GNA14: variants seen among roughly 807,000 people sequenced by gnomAD.
GNA14 encodes the protein G protein subunit alpha 14.
GNA14 carries 50 observed loss-of-function variants against 42.0 expected under a neutral mutation model. The observed-to-expected ratio is 1.19, with a 90% CI of 0.95 to 1.51. The LOEUF is 1.51. Among genes scored for constraint, GNA14 ranks in the 40% most tolerant of loss-of-function variants. The probability of loss-of-function intolerance (pLI) is 0.00; values close to 1 mark genes in which losing one functional copy is unlikely to be tolerated. For synonymous variants in GNA14, 173 were observed against 163.1 expected (o/e 1.06, Z -0.46); for missense variants, 473 against 446.2 (o/e 1.06, Z -0.54).
intron 3 of GNA14, among the ~76,000 whole-genome samples, chr9:77,432,158 A>G (rs1386626482): frequency 6.6e-6 from 1 of 151,498 alleles, no homozygotes; most frequent in Non-Finnish European, 1.5e-5. Flanking sequence ...TTTAGGTAAA[A>G]TAACTGTAAC....
chr9:77,623,531 T>G (rs999035156), intron 1 of GNA14, among the ~76,000 whole-genome samples: 4 of 152,184 alleles, frequency 2.6e-5, no homozygotes, highest in Admixed American at 2.0e-4. Flanking sequence ...GTGAGATCAA[T>G]GCAGAAGGCA....
At chr9:77,610,543 A>G (rs1157491556) in intron 1 of GNA14, among the ~76,000 whole-genome samples, 2 of 152,138 alleles carry the variant, frequency 1.3e-5, no homozygotes, top group African/African-American at 2.4e-5. Context: ...TTTACCTCCT[A>G]AAGGCCCCAC....
At chr9:77,558,693 T>C (rs1391098788) in intron 1 of GNA14, among the ~76,000 whole-genome samples, 1 of 152,146 alleles carries the variant, frequency 6.6e-6, no homozygotes, top group Non-Finnish European at 1.5e-5. Flanking sequence ...TGTGTCACTG[T>C]GTGCCATTCT....
chr9:77,589,362 AT>A (rs1227626069), intron 1 of GNA14, among the ~76,000 whole-genome samples: 2 of 152,150 alleles, frequency 1.3e-5, no homozygotes, highest in African/African-American at 2.4e-5. Context: ...TAGAAATTTT[AT>A]TCATGCAAAA....
intron 1 of GNA14, among the ~76,000 whole-genome samples, chr9:77,559,236 C>A (rs1822841833): frequency 6.6e-6 from 1 of 152,170 alleles, no homozygotes; most frequent in Non-Finnish European, 1.5e-5. Flanking sequence ...AGAAGGAGAC[C>A]AACTTCCCAG....
At chr9:77,626,913 G>A (rs1437682670) in intron 1 of GNA14, among the ~76,000 whole-genome samples, 13 of 151,876 alleles carry the variant, frequency 8.6e-5, no homozygotes, top group South Asian at 4.2e-4. Flanking sequence ...ATAGAGACAC[G>A]AACAACCCTT....
chr9:77,425,711 C>A lies in GNA14; in HGVS notation c.728G>T (p.Arg243Leu). The change falls in exon 6 of 7, where the codon CGC becomes CTC. Residue 243 changes from arginine (R) to leucine (L), a missense_variant. Arg to Leu is a moderately radical substitution (Grantham distance 102). Coordinates refer to ENST00000341700, the MANE Select transcript of GNA14 (RefSeq NM_004297.4). Reference protein sequence around the residue: ...QVLAECDNENRMEESKALFKT... With the variant: ...QVLAECDNENLMEESKALFKT... ...AAATAAGGCTTTGCTCTCTTCCATG[C>A]GATTCTAAGTGAAAAACAAGGGACT... 2 of 1,591,670 alleles carry A rather than the reference C, an allele frequency of 1.3e-6. No individual in the cohort carries two copies. The highest frequency in any genetic ancestry group is 1.7e-6 in the Non-Finnish European group (2 of 1,171,106).
intron 2 of GNA14, among the ~76,000 whole-genome samples, chr9:77,480,538 G>A (rs1430033016): frequency 6.6e-6 from 1 of 152,156 alleles, no homozygotes. Flanking sequence ...GCCAGGCTTT[G>A]GTATCAGGAT....
intron 4 of GNA14, among the ~76,000 whole-genome samples, chr9:77,429,244 A>T (rs904472939): frequency 4.6e-5 from 7 of 152,218 alleles, no homozygotes; most frequent in Admixed American, 2.0e-4. Context: ...AAGGGAGAGA[A>T]TGTAAATGAC....
chr9:77,630,302 G>C (rs1177021962), intron 1 of GNA14, among the ~76,000 whole-genome samples: 1 of 151,982 alleles, frequency 6.6e-6, no homozygotes, highest in Non-Finnish European at 1.5e-5. Flanking sequence ...ACTTTTTGTA[G>C]AGATGCGGTT....
At chr9:77,595,853 C>T (rs1823457944) in intron 1 of GNA14, among the ~76,000 whole-genome samples, 1 of 152,072 alleles carries the variant, frequency 6.6e-6, no homozygotes, top group South Asian at 2.1e-4. Context: ...TTTCAAAAAA[C>T]AAGCACCTCT....
intron 1 of GNA14, among the ~76,000 whole-genome samples, chr9:77,621,167 C>G (rs1449101719): frequency 1.3e-5 from 2 of 152,100 alleles, no homozygotes; most frequent in Non-Finnish European, 2.9e-5. Context: ...CTCCTGGACT[C>G]AAGCAATCTG....
intron 2 of GNA14, among the ~76,000 whole-genome samples, chr9:77,439,460 A>G (rs1270842780): frequency 6.6e-6 from 1 of 152,110 alleles, no homozygotes; most frequent in African/African-American, 2.4e-5. Context: ...CAACATGGTG[A>G]GACCCCATCT....
intron 2 of GNA14, among the ~76,000 whole-genome samples, chr9:77,507,976 C>T (rs1021855642): frequency 2.0e-5 from 3 of 152,170 alleles, no homozygotes; most frequent in African/African-American, 7.2e-5. Context: ...CCTCGGCCTC[C>T]CAAAGTGCTG....
chr9:77,547,078 T>A (rs575852371), intron 1 of GNA14, among the ~76,000 whole-genome samples: 2 of 152,298 alleles, frequency 1.3e-5, no homozygotes, highest in South Asian at 4.1e-4. Context: ...TCATACAACC[T>A]CTATCTTAAA....
At position 77,614,373 on chromosome 9, in the gene GNA14, C is replaced by T. The variant is rs1823777480; in HGVS notation, c.124+33297G>A. On this transcript the variant is annotated intron_variant, in intron 1 of 6. Transcript: ENST00000341700. The stretch of plus-strand genomic sequence containing the variant: ...CTGTCACACAGGGTCAGCCTAACCA[C>T]CCTGGATCCTCAAGTTTTTGGGGTA... 2.6e-5 allele frequency among the ~76,000 whole-genome samples: 4 copies of T among 152,152 alleles called. 1 individual carries two copies. The South Asian group carries it at 8.3e-4, about 32-fold the overall frequency.
intron 1 of GNA14, among the ~76,000 whole-genome samples, chr9:77,549,963 G>A (rs1837769411): frequency 6.6e-6 from 1 of 152,142 alleles, no homozygotes; most frequent in African/African-American, 2.4e-5. Context: ...TCGTCTTGGG[G>A]GTGAACATGT....
intron 2 of GNA14, among the ~76,000 whole-genome samples, chr9:77,494,385 T>C (rs1242367180): frequency 2.0e-5 from 3 of 152,206 alleles, no homozygotes; most frequent in Non-Finnish European, 4.4e-5. Context: ...GTTTTGAAAC[T>C]TTCTCAAATA....
At chr9:77,570,721 G>A (rs943948904) in intron 1 of GNA14, among the ~76,000 whole-genome samples, 7 of 152,118 alleles carry the variant, frequency 4.6e-5, no homozygotes. Flanking sequence ...GTTTTGTGTG[G>A]ATATATGTTT....
Sources: allele counts gnomAD v4.1 joint callset (sites outside exome capture counted in the v4.1 genomes callset), GRCh38; gene constraint gnomAD v4.1.1; transcripts MANE v1.5; gene names NCBI Gene and HGNC (gene_info 2026-07-23, HGNC 2026-07-21).